Variants in PIK3C2G observed in about 807,000 individuals in gnomAD.
PIK3C2G encodes the protein phosphatidylinositol 3-kinase C2 domain-containing subunit gamma.
Under a neutral mutation model 181.1 loss-of-function variants are expected in PIK3C2G, and 168 were observed. That is an observed-to-expected ratio of 0.93 (90% CI 0.82 to 1.05). The LOEUF (loss-of-function observed/expected upper bound fraction) is 1.05, where lower values mean the gene tolerates loss of function less well. PIK3C2G is among the 50% of genes least tolerant of loss of function. The pLI is 0.00. For missense variants in PIK3C2G, 1,869 were observed against 1,732.8 expected (o/e 1.08, Z -1.40); for synonymous variants, 573 against 592.2 (o/e 0.97, Z 0.47).
Position 18,363,133 on chromosome 12 carries a change from AAAG to A in PIK3C2G, c.1748+255_1748+257del, listed in dbSNP as rs1239443383. On this transcript the variant is annotated intron_variant, in intron 12 of 32. Transcript: ENST00000538779. ...GAACTGAGAAAAAGGGAAATTGAAA[AAAG>A]AAGAAGACTTATTAATCATTCACAC... is the stretch of plus-strand genomic sequence containing the variant. 1.7e-5 allele frequency: 5 copies of A among 299,118 alleles called. No individual in the cohort carries two copies. In the South Asian group the frequency reaches 1.9e-4, roughly 11 times the overall value. 18.5% of individuals were successfully genotyped at this position (299,118 alleles called of 1,614,324 possible).
intron 3 of PIK3C2G, among the ~76,000 whole-genome samples, chr12:18,290,392 A>T (rs1437654493): frequency 6.6e-6 from 1 of 152,216 alleles, no homozygotes; most frequent in African/African-American, 2.4e-5. Context: ...ATGGAGAGAC[A>T]AAAATAGTGT....
At chr12:18,376,745 T>C (rs1451739684) in intron 13 of PIK3C2G, among the ~76,000 whole-genome samples, 1 of 152,292 alleles carries the variant, frequency 6.6e-6, no homozygotes, top group East Asian at 1.9e-4. Context: ...GGCTTGTGGC[T>C]GTCCTTGAGA....
At chr12:18,712,637 C>T in the PIK3C2G span, among the ~76,000 whole-genome samples, 2 of 151,990 alleles carry the variant, frequency 1.3e-5, no homozygotes, top group Admixed American at 6.6e-5. Flanking sequence ...TTCCATGAAA[C>T]ACTATGTACC....
chr12:18,318,503 C>T (rs1950966266), intron 6 of PIK3C2G, among the ~76,000 whole-genome samples: 1 of 151,730 alleles, frequency 6.6e-6, no homozygotes, highest in South Asian at 2.1e-4. Context: ...TGTCAAAATT[C>T]TCTGTGATTT....
At chr12:18,327,518 T>G (rs1471802006) in intron 8 of PIK3C2G, among the ~76,000 whole-genome samples, 2 of 152,090 alleles carry the variant, frequency 1.3e-5, no homozygotes, top group African/African-American at 2.4e-5. Flanking sequence ...TATTTCAACA[T>G]ATTTTAGATG....
At chr12:18,403,308 G>C (rs2138152359) in intron 16 of PIK3C2G, among the ~76,000 whole-genome samples, 1 of 152,218 alleles carries the variant, frequency 6.6e-6, no homozygotes, top group Middle Eastern at 3.4e-3. Flanking sequence ...ACACTGGAAA[G>C]TTTCTTATCA....
intron 18 of PIK3C2G, among the ~76,000 whole-genome samples, chr12:18,472,375 T>C (rs2135982484): frequency 6.6e-6 from 1 of 152,322 alleles, no homozygotes; most frequent in African/African-American, 2.4e-5. Context: ...ACTTATCAGC[T>C]ACCTAAAAGT....
intron 18 of PIK3C2G, among the ~76,000 whole-genome samples, chr12:18,488,204 G>A (rs11044136): frequency 0.16 from 23,871 of 152,038 alleles, 2,323 homozygotes; most frequent in South Asian, 0.36. Context: ...GAGAAAAGAT[G>A]TGTTATGAAT....
intron 31 of PIK3C2G, among the ~76,000 whole-genome samples, chr12:18,614,611 G>A (rs1208339327): frequency 6.6e-6 from 1 of 152,040 alleles, no homozygotes; most frequent in Non-Finnish European, 1.5e-5. Flanking sequence ...ATAAATGTTG[G>A]CTTTACCCTT....
chr12:18,299,039 T>C (rs1565570925), intron 5 of PIK3C2G, among the ~76,000 whole-genome samples: 1 of 151,974 alleles, frequency 6.6e-6, no homozygotes, highest in African/African-American at 2.4e-5. Context: ...TGGGCTCTTT[T>C]TTACTTCCAT....
chr12:18,601,496 A>G (rs1947711495), intron 30 of PIK3C2G, among the ~76,000 whole-genome samples: 1 of 152,026 alleles, frequency 6.6e-6, no homozygotes, highest in Non-Finnish European at 1.5e-5. Flanking sequence ...ATGGAGAGAG[A>G]TTTTTTTAAA....
rs115719596 is a variant in PIK3C2G at position 18,341,039 on chromosome 12, A to G, written c.1396-2288A>G. Among the ~76,000 whole-genome samples, 1,015 of 152,294 alleles carry G rather than the reference A, an allele frequency of 6.7e-3. 11 individuals carry two copies. The highest frequency in any genetic ancestry group is 0.024 in the African/African-American group (977 of 41,558). On this transcript the variant is annotated intron_variant, in intron 9 of 32. Coordinates refer to ENST00000538779, the MANE Select transcript of PIK3C2G (RefSeq NM_001288772.2). ...TCGACACGTCTTCCCATCTGTTAAG[A>G]CTATTTGGTTATTCTTCGACTTTTA... is the stretch of plus-strand genomic sequence containing the variant.
At chr12:18,295,005 A>T (rs1302798230) in intron 5 of PIK3C2G, among the ~76,000 whole-genome samples, 1 of 117,650 alleles carries the variant, frequency 8.5e-6, no homozygotes, top group African/African-American at 2.9e-5. Flanking sequence ...TGGCCTTAAG[A>T]CTATTTTCCT....
chr12:18,368,508 C>T (rs1232028040), intron 12 of PIK3C2G, among the ~76,000 whole-genome samples: 1 of 152,190 alleles, frequency 6.6e-6, no homozygotes, highest in East Asian at 1.9e-4. Flanking sequence ...ATTGGCATCT[C>T]ACAATTATCA....
chr12:18,336,465 G>C (rs1938543795), intron 8 of PIK3C2G, among the ~76,000 whole-genome samples: 1 of 152,036 alleles, frequency 6.6e-6, no homozygotes, highest in Non-Finnish European at 1.5e-5. Flanking sequence ...CTCAAATCTA[G>C]TACCCAAACT....
chr12:18,418,046 T>A (rs1465020895), intron 16 of PIK3C2G, among the ~76,000 whole-genome samples: 41 of 152,240 alleles, frequency 2.7e-4, no homozygotes, highest in Non-Finnish European at 5.9e-5. Flanking sequence ...TCATGATCAA[T>A]GCATTTTTAT....
chr12:18,363,341 T>A (rs1941403828), intron 12 of PIK3C2G, among the ~76,000 whole-genome samples: 1 of 152,158 alleles, frequency 6.6e-6, no homozygotes, highest in African/African-American at 2.4e-5. Context: ...CATCTATAGA[T>A]GTGTAAGCTT....
the PIK3C2G span, among the ~76,000 whole-genome samples, chr12:18,718,375 A>T: frequency 6.6e-6 from 1 of 152,036 alleles, no homozygotes; most frequent in East Asian, 1.9e-4. Context: ...GAATAAATCA[A>T]ATTATGACAC....
intron 5 of PIK3C2G, among the ~76,000 whole-genome samples, chr12:18,300,169 T>A (rs1245589978): frequency 2.0e-5 from 3 of 152,014 alleles, no homozygotes; most frequent in African/African-American, 7.2e-5. Flanking sequence ...CCTGAGTTTT[T>A]CCTTGCTGAG....
Sources: gnomAD v4.1 joint callset for allele counts (sites outside exome capture counted in the v4.1 genomes callset) on GRCh38, gnomAD v4.1.1 for gene constraint, MANE v1.5 for transcripts, NCBI Gene and HGNC (gene_info 2026-07-23, HGNC 2026-07-21) for gene names.